ASAP2: variants seen among roughly 807,000 people sequenced by gnomAD.
The protein encoded by ASAP2 is arf-GAP with SH3 domain, ANK repeat and PH domain-containing protein 2.
ASAP2 carries 45 observed loss-of-function variants against 131.4 expected under a neutral mutation model. The ratio of observed to expected loss-of-function variants is 0.34; its 90% CI spans 0.27 to 0.44. ASAP2 has a LOEUF of 0.44. Among genes scored for constraint, ASAP2 ranks in the 20% least tolerant of loss-of-function variants. ASAP2 has a pLI of 1.00. For missense variants in ASAP2, 1,011 were observed against 1,297.0 expected, an observed-to-expected ratio of 0.78 and a Z score of 3.39; for synonymous variants, 510 against 503.0, an observed-to-expected ratio of 1.01 and a Z score of -0.19.
intron 1 of ASAP2, among the ~76,000 whole-genome samples, chr2:9,243,765 T>C (rs1434513351): frequency 6.6e-6 from 1 of 152,224 alleles, no homozygotes; most frequent in Non-Finnish European, 1.5e-5. Flanking sequence ...AGTAGCACTT[T>C]GCTTATTTAC....
At chr2:9,336,826 G>A (rs1489709329) in intron 9 of ASAP2, among the ~76,000 whole-genome samples, 2 of 152,236 alleles carry the variant, frequency 1.3e-5, no homozygotes, top group Non-Finnish European at 2.9e-5. Flanking sequence ...GCCGTCCAAG[G>A]TGGCTGCTCC....
chr2:9,273,015 G>A (rs1666510473), intron 1 of ASAP2, among the ~76,000 whole-genome samples: 1 of 152,132 alleles, frequency 6.6e-6, no homozygotes, highest in Non-Finnish European at 1.5e-5. Flanking sequence ...GCTTAGAATA[G>A]CTTTGGCTAT....
chr2:9,230,721 T>C (rs73153628), intron 1 of ASAP2, among the ~76,000 whole-genome samples: 16 of 152,368 alleles, frequency 1.1e-4, no homozygotes, highest in African/African-American at 3.8e-4. Context: ...GCAAGGACGT[T>C]GTTTCACCTT....
intron 1 of ASAP2, among the ~76,000 whole-genome samples, chr2:9,250,044 TACTC>T (rs879419623): frequency 4.6e-5 from 7 of 152,252 alleles, no homozygotes; most frequent in Non-Finnish European, 1.0e-4. Flanking sequence ...AATATTTACT[TACTC>T]ACTTGAGTTT....
rs115255537 is a variant in ASAP2, at chr2:9,232,407, G to A, written c.126+25177G>A. Among the ~76,000 whole-genome samples the A allele has an allele frequency of 1.7e-4, 26 of 152,248 alleles. No homozygotes were observed. The highest frequency in any genetic ancestry group is 5.8e-4 in the African/African-American group (24 of 41,544). On this transcript the variant is annotated intron_variant, in intron 1 of 27. Transcript: ENST00000281419. This position sits in a 1 kb window ranked among gnomAD's most constrained non-coding sequence, Gnocchi z 4.1. ...CCTCCTCTGCTGGCTTTGTGCCCCCGTACCCCTTTCGCAGCTGACTGTCCA... is the reference window on the plus strand; with the variant it reads ...CCTCCTCTGCTGGCTTTGTGCCCCCATACCCCTTTCGCAGCTGACTGTCCA...
In ASAP2 at chr2:9,403,236, A is replaced by T. The variant is rs74867938; in HGVS notation, c.2947-17A>T. 6.2e-7 allele frequency: 1 copy of T among 1,611,980 alleles called. No individual in the cohort carries two copies. Among genetic ancestry groups the T allele is most frequent in the East Asian group, 2.2e-5 (1 of 44,866 alleles). ...ATTTGGAATTTTAATAACAACCTAC[A>T]CTTTTCTCCATTTCAGATTGGCCAC... is the stretch of plus-strand genomic sequence containing the variant. On this transcript the variant is annotated splice_polypyrimidine_tract_variant and intron_variant, in intron 27 of 27. Coordinates refer to ENST00000281419, the MANE Select transcript of ASAP2 (RefSeq NM_003887.3).
At chr2:9,340,803 T>C (rs1296593941) in intron 9 of ASAP2, among the ~76,000 whole-genome samples, 1 of 152,210 alleles carries the variant, frequency 6.6e-6, no homozygotes, top group Admixed American at 6.5e-5. Flanking sequence ...GCAGATTCTG[T>C]GTTGGCCAGA....
At chr2:9,248,788 T>C (rs1434844046) in intron 1 of ASAP2, among the ~76,000 whole-genome samples, 1 of 152,140 alleles carries the variant, frequency 6.6e-6, no homozygotes, top group African/African-American at 2.4e-5. Context: ...CAGTTCTTTA[T>C]GGCCAGGGAC....
In ASAP2 at chr2:9,385,250, C is replaced by A. The variant is rs1368235858; in HGVS notation, c.2022C>A (p.Thr674=). 6.2e-7 allele frequency: 1 copy of A among 1,613,002 alleles called. No homozygotes were observed. Among genetic ancestry groups the A allele is most frequent in the Non-Finnish European group, 8.5e-7 (1 of 1,179,070 alleles). ...LKHEHCEELL[T]QALSGRFNSH... is the part of the protein sequence containing the mutation. Reference sequence around the variant, plus strand: ...CCATCCCTCTGTTCTCTCAGCTGACCCAAGCCTTATCTGGAAGATTTAATT... The same window carrying A: ...CCATCCCTCTGTTCTCTCAGCTGACACAAGCCTTATCTGGAAGATTTAATT... Residue 674 remains threonine (T), a synonymous_variant, in exon 21 of 28, where the codon ACC becomes ACA. Transcript: ENST00000281419.
chr2:9,303,250 G>T (rs1030215073), intron 3 of ASAP2, among the ~76,000 whole-genome samples: 3 of 152,216 alleles, frequency 2.0e-5, no homozygotes, highest in African/African-American at 7.2e-5. Flanking sequence ...CATCCCCAGT[G>T]GCTTGGGGTA....
intron 1 of ASAP2, among the ~76,000 whole-genome samples, chr2:9,249,791 G>A (rs1282831698): frequency 6.6e-6 from 1 of 151,484 alleles, no homozygotes; most frequent in Non-Finnish European, 1.5e-5. Flanking sequence ...GCAGGGCCGT[G>A]TGGGGATACT....
At chr2:9,285,022 A>T (rs1439109479) in intron 2 of ASAP2, among the ~76,000 whole-genome samples, 1 of 152,218 alleles carries the variant, frequency 6.6e-6, no homozygotes, top group Admixed American at 6.5e-5. Context: ...GTATTGCCTC[A>T]GCAACCCACA....
intron 27 of ASAP2, among the ~76,000 whole-genome samples, chr2:9,402,909 G>GTTCA (rs758340969): frequency 1.5e-4 from 23 of 152,280 alleles, no homozygotes; most frequent in East Asian, 5.8e-4. Flanking sequence ...GTGACACTCA[G>GTTCA]TTCATTCATT....
At chr2:9,245,436 C>G (rs559678320) in intron 1 of ASAP2, among the ~76,000 whole-genome samples, 31 of 152,242 alleles carry the variant, frequency 2.0e-4, no homozygotes, top group African/African-American at 7.0e-4. Context: ...GTGGAGGGTT[C>G]TATAAAAACA....
At chr2:9,391,289 G>A in intron 23 of ASAP2, 93 bp downstream of exon 23, 13 of 1,501,150 alleles carry the variant, frequency 8.7e-6, no homozygotes, top group Non-Finnish European at 1.1e-5. Context: ...TGCCAGCACA[G>A]ACACGTGCCA....
chr2:9,235,558 TAGGGAGTGA>T (rs1001152386), intron 1 of ASAP2, among the ~76,000 whole-genome samples: 2 of 151,910 alleles, frequency 1.3e-5, no homozygotes, highest in Non-Finnish European at 2.9e-5. Context: ...CCCAGTACAT[TAGGGAGTGA>T]AGGGAGTGAA....
chr2:9,377,043 TGGGGAAGGAATC>T, intron 18 of ASAP2, 50 bp downstream of exon 18: 1 of 1,526,136 alleles, frequency 6.6e-7, no homozygotes, highest in Non-Finnish European at 9.1e-7. Flanking sequence ...TTGGTATTTC[TGGGGAAGGAATC>T]GGACGCTGCC....
chr2:9,294,680 G>C (rs560568456), intron 2 of ASAP2, among the ~76,000 whole-genome samples: 1 of 152,272 alleles, frequency 6.6e-6, no homozygotes. Context: ...TTCCCTTTGG[G>C]TGTTCACTTA....
intron 1 of ASAP2, among the ~76,000 whole-genome samples, chr2:9,278,173 A>G (rs914065000): frequency 6.6e-6 from 1 of 152,178 alleles, no homozygotes; most frequent in Non-Finnish European, 1.5e-5. Flanking sequence ...TGGCATCGCT[A>G]TCCCAGTTCA....
Sources: gnomAD v4.1 joint callset for allele counts (sites outside exome capture counted in the v4.1 genomes callset) on GRCh38, gnomAD v4.1.1 for gene constraint, Gnocchi (gnomAD v3.1) non-coding constraint, MANE v1.5 for transcripts, NCBI Gene and HGNC (gene_info 2026-07-23, HGNC 2026-07-21) for gene names.